Variants in PTPRD observed in about 807,000 individuals in gnomAD.
PTPRD encodes protein tyrosine phosphatase receptor type D.
Under a neutral mutation model 214.5 loss-of-function variants are expected in PTPRD, and 34 were observed. The observed-to-expected ratio is 0.16, with a 90% CI of 0.12 to 0.21. PTPRD has a LOEUF of 0.21. Among genes scored for constraint, PTPRD ranks in the 10% least tolerant of loss-of-function variants. The pLI, the probability that PTPRD is intolerant of heterozygous loss-of-function variation, is 1.00. For synonymous variants in PTPRD, 1,128 were observed against 845.7 expected (o/e 1.33, Z -5.79); for missense variants, 2,545 against 2,398.7 (o/e 1.06, Z -1.27).
At chr9:8,801,641 G>A (rs556529516) in intron 11 of PTPRD, among the ~76,000 whole-genome samples, 21 of 152,176 alleles carry the variant, frequency 1.4e-4, no homozygotes, top group South Asian at 2.1e-4. Context: ...ACTTGAGCCC[G>A]GGAAGCAGAG....
chr9:8,891,205 C>G (rs2098537050), intron 11 of PTPRD, among the ~76,000 whole-genome samples: 1 of 141,504 alleles, frequency 7.1e-6, no homozygotes, highest in Non-Finnish European at 1.5e-5. Flanking sequence ...GCGATCTCCA[C>G]TCACTGCAAG....
intron 9 of PTPRD, among the ~76,000 whole-genome samples, chr9:9,208,265 C>T (rs764268431): frequency 6.6e-5 from 10 of 151,754 alleles, no homozygotes; most frequent in Non-Finnish European, 1.3e-4. Context: ...CTGCCCGCCT[C>T]GGCCTCCCAA....
chr9:9,683,283 T>C (rs1309476410), intron 7 of PTPRD, among the ~76,000 whole-genome samples: 2 of 151,850 alleles, frequency 1.3e-5, no homozygotes, highest in East Asian at 3.9e-4. Context: ...TGTGGGAATA[T>C]TACCAGGCAC....
At chr9:9,814,661 A>T (rs1360289249) in intron 5 of PTPRD, among the ~76,000 whole-genome samples, 1 of 152,128 alleles carries the variant, frequency 6.6e-6, no homozygotes, top group African/African-American at 2.4e-5. Flanking sequence ...AAAATGTTCA[A>T]ATGTCCATAC....
At chr9:9,572,749 G>C (rs542165783) in intron 8 of PTPRD, among the ~76,000 whole-genome samples, 1 of 150,770 alleles carries the variant, frequency 6.6e-6, no homozygotes, top group Admixed American at 6.6e-5. Context: ...AAAGGCAAAA[G>C]TTTTAGGACA....
chr9:10,589,567 G>A (rs566129914), intron 2 of PTPRD, among the ~76,000 whole-genome samples: 2 of 152,128 alleles, frequency 1.3e-5, no homozygotes, highest in East Asian at 1.9e-4. Flanking sequence ...GACAGACAGA[G>A]GCATTCTTGC....
At chr9:10,059,155 T>A (rs1483266525) in intron 3 of PTPRD, among the ~76,000 whole-genome samples, 1 of 152,104 alleles carries the variant, frequency 6.6e-6, no homozygotes, top group African/African-American at 2.4e-5. Flanking sequence ...AGCAGTAAGT[T>A]CAAATTTAAG....
chr9:9,467,234 T>TTTTTTTTTTTTC, intron 8 of PTPRD, among the ~76,000 whole-genome samples: 1 of 123,054 alleles, frequency 8.1e-6, no homozygotes, highest in Non-Finnish European at 1.7e-5. Flanking sequence ...TTTTTTTTTT[T>TTTTTTTTTTTTC]TTTAACCTAA....
intron 8 of PTPRD, among the ~76,000 whole-genome samples, chr9:9,432,325 T>C (rs2083516743): frequency 6.6e-6 from 1 of 152,104 alleles, no homozygotes; most frequent in Non-Finnish European, 1.5e-5. Context: ...ATTGGCAGAC[T>C]GTTGGGCCAC....
intron 11 of PTPRD, among the ~76,000 whole-genome samples, chr9:8,746,814 C>G: frequency 6.6e-6 from 1 of 152,030 alleles, no homozygotes; most frequent in Non-Finnish European, 1.5e-5. Context: ...GGCAACATAA[C>G]AAGACCCCAT....
chr9:10,512,807 G>A (rs575289239), intron 2 of PTPRD, among the ~76,000 whole-genome samples: 2 of 152,166 alleles, frequency 1.3e-5, no homozygotes, highest in East Asian at 3.9e-4. Flanking sequence ...GCAAACCAGG[G>A]TTTAGAGTAT....
chr9:9,628,512 C>T (rs2095491212), intron 7 of PTPRD, among the ~76,000 whole-genome samples: 1 of 152,162 alleles, frequency 6.6e-6, no homozygotes, highest in Non-Finnish European at 1.5e-5. Context: ...CTGCACACAG[C>T]TGCTACACAG....
At chr9:9,375,263 A>G (rs2060485840) in intron 9 of PTPRD, among the ~76,000 whole-genome samples, 1 of 152,192 alleles carries the variant, frequency 6.6e-6, no homozygotes, top group Non-Finnish European at 1.5e-5. Flanking sequence ...AGTGAATGAA[A>G]TGTTGTGCAG....
chr9:9,194,572 G>C (rs1414334518), intron 9 of PTPRD, among the ~76,000 whole-genome samples: 1 of 152,082 alleles, frequency 6.6e-6, no homozygotes, highest in Non-Finnish European at 1.5e-5. Context: ...TACTTGGTCT[G>C]TTGTTGACAA....
chr9:8,575,097 G>A (rs1421490823), intron 14 of PTPRD, among the ~76,000 whole-genome samples: 1 of 152,056 alleles, frequency 6.6e-6, no homozygotes, highest in South Asian at 2.1e-4. Flanking sequence ...ACGAATAGCT[G>A]TTCAAGTAGT....
At chr9:9,768,738 T>G (rs187141190) in intron 5 of PTPRD, among the ~76,000 whole-genome samples, 3 of 152,148 alleles carry the variant, frequency 2.0e-5, no homozygotes, top group African/African-American at 7.2e-5. Flanking sequence ...AATCCAATTG[T>G]CTAATAGCCA....
intron 11 of PTPRD, among the ~76,000 whole-genome samples, chr9:8,784,192 G>A (rs1298259158): frequency 6.6e-6 from 1 of 152,102 alleles, no homozygotes; most frequent in Non-Finnish European, 1.5e-5. Context: ...GCTAATAATG[G>A]CTTCATTCTG....
intron 10 of PTPRD, among the ~76,000 whole-genome samples, chr9:9,120,364 T>C (rs773188664): frequency 6.6e-6 from 1 of 152,206 alleles, no homozygotes; most frequent in Non-Finnish European, 1.5e-5. Context: ...CAGGCACTTG[T>C]GGTGCTTTAG....
chr9:8,659,012 C>T (rs1325807418), intron 12 of PTPRD, among the ~76,000 whole-genome samples: 1 of 152,088 alleles, frequency 6.6e-6, no homozygotes, highest in Non-Finnish European at 1.5e-5. Flanking sequence ...CCTTTGCTTC[C>T]TTCATCCTTA....
Sources: gnomAD v4.1 joint callset for allele counts (sites outside exome capture counted in the v4.1 genomes callset) on GRCh38, gnomAD v4.1.1 for gene constraint, MANE v1.5 for transcripts, NCBI Gene and HGNC (gene_info 2026-07-23, HGNC 2026-07-21) for gene names.